RBFOX1: variants seen among roughly 807,000 people sequenced by gnomAD.
The protein encoded by RBFOX1 is RNA binding protein fox-1 homolog 1.
In RBFOX1, 8 loss-of-function variants were observed where a neutral mutation model predicts 57.7. The ratio of observed to expected loss-of-function variants is 0.14; its 90% confidence interval spans 0.08 to 0.25. RBFOX1 has a LOEUF of 0.25. RBFOX1 is among the 10% of genes least tolerant of loss of function. The probability of loss-of-function intolerance (pLI) is 1.00; values close to 1 mark genes in which losing one functional copy is unlikely to be tolerated. For synonymous variants in RBFOX1, 326 were observed against 222.4 expected (o/e 1.47, Z -4.15); for missense variants, 611 against 548.5 (o/e 1.11, Z -1.14).
At chr16:7,635,878 C>G (rs767314346) in intron 11 of RBFOX1, among the ~76,000 whole-genome samples, 12 of 151,850 alleles carry the variant, frequency 7.9e-5, no homozygotes, top group Admixed American at 7.9e-4. Context: ...TAGCGCAGTC[C>G]CGGCTCACTG....
intron 3 of RBFOX1, among the ~76,000 whole-genome samples, chr16:6,896,799 T>C (rs1434832397): frequency 6.6e-6 from 1 of 152,078 alleles, no homozygotes; most frequent in African/African-American, 2.4e-5. Flanking sequence ...GTGGGAGCAT[T>C]TGAGATCATA....
chr16:7,396,802 T>C (rs943911918), intron 4 of RBFOX1, among the ~76,000 whole-genome samples: 21 of 151,894 alleles, frequency 1.4e-4, no homozygotes, highest in Admixed American at 9.2e-4. Flanking sequence ...TTAGCCAGGT[T>C]TGGTGGTGTG....
chr16:7,093,936 A>T (rs2061278853), intron 4 of RBFOX1, among the ~76,000 whole-genome samples: 1 of 151,970 alleles, frequency 6.6e-6, no homozygotes, highest in Non-Finnish European at 1.5e-5. Context: ...TGGTGTGACT[A>T]TATAAGGCGT....
At chr16:7,262,359 A>C (rs1020641612) in intron 4 of RBFOX1, among the ~76,000 whole-genome samples, 9 of 149,702 alleles carry the variant, frequency 6.0e-5, no homozygotes, top group Non-Finnish European at 1.3e-4. Flanking sequence ...TACTTTTTTG[A>C]AAGTTTCACT....
chr16:5,908,291 CATATAT>C (rs113093123), intron 4 of RBFOX1, among the ~76,000 whole-genome samples: 3 of 141,650 alleles, frequency 2.1e-5, no homozygotes, highest in African/African-American at 8.1e-5. Context: ...TATATATACA[CATATAT>C]ATATACACAC....
At chr16:6,629,236 T>C (rs1325019255) in intron 2 of RBFOX1, among the ~76,000 whole-genome samples, 1 of 152,190 alleles carries the variant, frequency 6.6e-6, no homozygotes, top group Non-Finnish European at 1.5e-5. Context: ...ATTACAGGCC[T>C]AGGGAAAAGG....
intron 3 of RBFOX1, among the ~76,000 whole-genome samples, chr16:7,023,783 C>G (rs1024343029): frequency 6.6e-6 from 1 of 151,994 alleles, no homozygotes; most frequent in South Asian, 2.1e-4. Context: ...CAAATACAGC[C>G]TCGGCATCCT....
At chr16:7,630,471 G>A (rs1213352073) in intron 10 of RBFOX1, 132 bp from the exon 11 acceptor site, 1 of 1,517,378 alleles carries the variant, frequency 6.6e-7, no homozygotes, top group African/African-American at 1.4e-5. Flanking sequence ...GCTTTGTTGG[G>A]TACCCTTGTC....
intron 2 of RBFOX1, among the ~76,000 whole-genome samples, chr16:5,475,254 C>T (rs2069280842): frequency 6.6e-6 from 1 of 152,194 alleles, no homozygotes; most frequent in African/African-American, 2.4e-5. Context: ...GTTCTTTGCT[C>T]TGTAGAGTCT....
intron 1 of RBFOX1, among the ~76,000 whole-genome samples, chr16:6,311,738 C>G (rs189282994): frequency 2.0e-5 from 3 of 152,178 alleles, no homozygotes; most frequent in African/African-American, 7.2e-5. Context: ...TGCTAAGCAG[C>G]TTCCTGTTAT....
chr16:5,671,187 A>G (rs761164363), intron 3 of RBFOX1, among the ~76,000 whole-genome samples: 2 of 152,362 alleles, frequency 1.3e-5, no homozygotes, highest in East Asian at 1.9e-4. Flanking sequence ...AACTTAAGCT[A>G]GGAGGTTTTC....
chr16:5,519,699 T>A (rs2043937061), intron 2 of RBFOX1, among the ~76,000 whole-genome samples: 1 of 152,204 alleles, frequency 6.6e-6, no homozygotes, highest in African/African-American at 2.4e-5. Context: ...CACTCCAGCC[T>A]GAATGATAGA....
intron 2 of RBFOX1, among the ~76,000 whole-genome samples, chr16:6,407,104 G>T (rs984682348): frequency 6.6e-6 from 1 of 152,102 alleles, no homozygotes; most frequent in Non-Finnish European, 1.5e-5. Flanking sequence ...AATTGAGATG[G>T]CTATGTAACA....
At chr16:6,041,798 C>G (rs1260243309) in intron 1 of RBFOX1, among the ~76,000 whole-genome samples, 5 of 152,196 alleles carry the variant, frequency 3.3e-5, no homozygotes. Context: ...CAAAGACATT[C>G]TTTGTCCTTC....
Position 7,238,699 on chromosome 16 carries a change from G to C in RBFOX1, c.27+186601G>C, listed in dbSNP as rs189063079. 2.0e-5 allele frequency among the ~76,000 whole-genome samples: 3 copies of C among 152,218 alleles called. No individual in the cohort carries two copies. The East Asian group carries it at 5.8e-4, about 29-fold the overall frequency. On this transcript the variant is annotated intron_variant, in intron 4 of 15. Coordinates refer to ENST00000550418, the MANE Select transcript of RBFOX1 (RefSeq NM_018723.4). The stretch of plus-strand genomic sequence containing the variant: ...GCAGGCTTGTTACATAGGTAAACTT[G>C]TGTGTCATGGGGGTTTGTTGTGCAG...
At chr16:6,561,074 CTGTTTTTCATTAGTGCTGT>C (rs1462766885) in intron 2 of RBFOX1, among the ~76,000 whole-genome samples, 1 of 152,154 alleles carries the variant, frequency 6.6e-6, no homozygotes, top group African/African-American at 2.4e-5. Flanking sequence ...CTATGTGCAG[CTGTTTTTCATTAGTGCTGT>C]TTTAATTTGC....
Position 6,855,672 on chromosome 16 carries a change from C to G in RBFOX1, c.-15-196385C>G, listed in dbSNP as rs1376160143. On this transcript the variant is annotated intron_variant, in intron 3 of 15. Transcript: ENST00000550418. ...CATCTCAAAAAAAAAAAAAAAAGAT[C>G]TTTTAACTCTGGAGAGTTATCTCAG... Among the ~76,000 whole-genome samples the G allele has an allele frequency of 3.5e-5, 5 of 143,438 alleles. No homozygotes were observed. The South Asian group carries it at 6.8e-4, about 19-fold the overall frequency. 94.1% of individuals were successfully genotyped at this position (143,438 alleles called of 152,430 possible).
At chr16:6,062,859 G>C (rs1397359098) in intron 1 of RBFOX1, among the ~76,000 whole-genome samples, 1 of 152,086 alleles carries the variant, frequency 6.6e-6, no homozygotes, top group Non-Finnish European at 1.5e-5. Context: ...TCAGATGAGA[G>C]TTGATGTTGT....
intron 3 of RBFOX1, among the ~76,000 whole-genome samples, chr16:6,891,281 A>C (rs1419361257): frequency 1.3e-5 from 2 of 152,220 alleles, no homozygotes; most frequent in African/African-American, 4.8e-5. Context: ...GCTTGAAGCA[A>C]CTTAGCAAGG....
Sources: gnomAD v4.1 joint callset for allele counts (sites outside exome capture counted in the v4.1 genomes callset) on GRCh38, gnomAD v4.1.1 for gene constraint, MANE v1.5 for transcripts, NCBI Gene and HGNC (gene_info 2026-07-23, HGNC 2026-07-21) for gene names.